The following CEP104 variants were observed in gnomAD, a reference collection of about 807,000 sequenced individuals.
CEP104 encodes the protein centrosomal protein 104.
CEP104 carries 84 observed loss-of-function variants against 113.3 expected under a neutral mutation model. The observed-to-expected ratio is 0.74, with a 90% CI of 0.62 to 0.89. The LOEUF is 0.89. Among genes scored for constraint, CEP104 ranks in the 40% least tolerant of loss-of-function variants. CEP104 has a pLI of 0.00. For missense variants in CEP104, 1,053 were observed against 1,156.6 expected (o/e 0.91, Z 1.30); for synonymous variants, 378 against 421.7 (o/e 0.90, Z 1.27).
At position 3,833,863 on chromosome 1, in the gene CEP104, T is replaced by C. The variant is rs1244824591; in HGVS notation, c.1658A>G (p.Gln553Arg). ...CAAATGCCGTGGTGAAGTTCAGACC[T>C]GAATAAAATTTGCAGCTGTGACGCG... is the stretch of plus-strand genomic sequence containing the variant. ...RLRVTAANFI[Q>R]EMALFKEVKS... is the part of the protein sequence containing the mutation. Residue 553 changes from glutamine to arginine, a missense_variant and splice_region_variant, in exon 12 of 22, where the codon CAG becomes CGG. Transcript: ENST00000378230. 6.2e-7 allele frequency: 1 copy of C among 1,614,202 alleles called. No homozygotes were observed. Among genetic ancestry groups the C allele is most frequent in the Non-Finnish European group, 8.5e-7 (1 of 1,180,002 alleles).
intron 11 of CEP104, among the ~76,000 whole-genome samples, 172 bp from the exon 12 acceptor site, chr1:3,834,207 A>G (rs1218944468): frequency 6.6e-6 from 1 of 152,262 alleles, no homozygotes; most frequent in African/African-American, 2.4e-5. Flanking sequence ...CACCTTGCAT[A>G]TAGAGGACAT....
chr1:3,835,161 TTTG>T, intron 10 of CEP104, 69 bp from the exon 11 acceptor site: 1 of 1,216,026 alleles, frequency 8.2e-7, no homozygotes, highest in Non-Finnish European at 1.1e-6. Flanking sequence ...ACTTGAAGGC[TTTG>T]TTTTTTTTTT....
At chr1:3,855,921 C>T (rs1208663852) in intron 1 of CEP104, 2 of 985,300 alleles carry the variant, frequency 2.0e-6, no homozygotes, top group Non-Finnish European at 2.4e-6. Flanking sequence ...CATCGACATC[C>T]CGACAAATGC....
intron 10 of CEP104, 107 bp downstream of exon 10, chr1:3,836,388 C>T: frequency 8.9e-7 from 1 of 1,122,672 alleles, no homozygotes; most frequent in Non-Finnish European, 1.2e-6. Flanking sequence ...AAATGCAAAG[C>T]CGTGGGCGTT....
At position 3,816,384 on chromosome 1, in the gene CEP104, G is replaced by A; in HGVS notation, c.2572-14C>T. ...AGCTTTCCATGCCTGCAGCAGAGGAGGCACACAGAGTGTTAATCAGGCGAG... is the reference window on the plus strand; with the variant it reads ...AGCTTTCCATGCCTGCAGCAGAGGAAGCACACAGAGTGTTAATCAGGCGAG... On this transcript the variant is annotated splice_polypyrimidine_tract_variant and intron_variant, in intron 20 of 21. Coordinates refer to ENST00000378230, the MANE Select transcript of CEP104 (RefSeq NM_014704.4). 6.5e-7 allele frequency: 1 copy of A among 1,546,732 alleles called. No homozygotes were observed. The highest frequency in any genetic ancestry group is 2.0e-5 in the Admixed American group (1 of 50,688).
rs1217497401 is a variant in CEP104 at position 3,823,444 on chromosome 1, ATG to A, written c.2481_2482del (p.Ile828LysfsTer22). 1 of 1,614,088 alleles carries A rather than the reference ATG, an allele frequency of 6.2e-7. No individual in the cohort carries two copies. Among genetic ancestry groups the A allele is most frequent in the Non-Finnish European group, 8.5e-7 (1 of 1,180,042 alleles). ...CTCACGGTTGCAATCCTTGTGTTTT[ATG>A]TGTCTGGGCAGCTCTTCCTTGAAAA... On this transcript the variant is annotated frameshift_variant, in exon 19 of 22. Transcript: ENST00000378230. LOFTEE classifies it high-confidence loss of function. The surrounding 1 kb of genome is among the most constrained non-coding windows in gnomAD (Gnocchi z 4.1).
At chr1:3,831,265 C>T (rs1373991482) in intron 12 of CEP104, 43 bp from the exon 13 acceptor site, 2 of 1,570,344 alleles carry the variant, frequency 1.3e-6, no homozygotes, top group African/African-American at 1.4e-5. Flanking sequence ...CTGGAAAATG[C>T]TGGAGGCAGT....
intron 15 of CEP104, 122 bp from the exon 16 acceptor site, chr1:3,826,866 G>T: frequency 1.0e-6 from 1 of 973,484 alleles, no homozygotes; most frequent in Non-Finnish European, 1.5e-6. Context: ...AATTTCTACT[G>T]GCTGGCAAGG....
intron 18 of CEP104, among the ~76,000 whole-genome samples, chr1:3,824,685 T>G (rs1320006279): frequency 1.3e-5 from 2 of 152,090 alleles, no homozygotes; most frequent in East Asian, 3.9e-4. Flanking sequence ...ACCAGGTGCT[T>G]TGCAGGACAG....
chr1:3,815,487 G>T lies in CEP104; in HGVS notation c.2693C>A (p.Pro898His). The T allele has an allele frequency of 6.2e-7, 1 of 1,610,850 alleles. No individual in the cohort carries two copies. Among genetic ancestry groups the T allele is most frequent in the South Asian group, 1.1e-5 (1 of 90,564 alleles). The change falls in exon 22 of 22, where the codon CCC becomes CAC. Residue 898 changes from proline to histidine, a missense_variant. By Grantham distance (77) the Pro-to-His change is moderately conservative. Coordinates refer to ENST00000378230, the MANE Select transcript of CEP104 (RefSeq NM_014704.4). ...GKSSAVAASGPLGSKAGSKIP... is the reference protein window; with the variant it reads ...GKSSAVAASGHLGSKAGSKIP... ...CTTGCTTCCGGCCTTTGACCCCAAG[G>T]GGCCTGATGCGGCCACAGCTGAGCT...
chr1:3,834,888 A>G, intron 11 of CEP104, 37 bp downstream of exon 11: 1 of 1,548,702 alleles, frequency 6.5e-7, no homozygotes, highest in Non-Finnish European at 8.7e-7. Flanking sequence ...GATCTCATCC[A>G]TGCACGCTGG....
chr1:3,856,802 C>T (rs960778973), intron 1 of CEP104, 87 bp downstream of exon 1: 2 of 146,152 alleles, frequency 1.4e-5, no homozygotes, highest in Non-Finnish European at 3.0e-5. Context: ...AGGTGGGGAC[C>T]GCGCCCCCGC....
chr1:3,836,421 C>T (rs957223006), intron 10 of CEP104, 74 bp downstream of exon 10: 16 of 1,474,102 alleles, frequency 1.1e-5, no homozygotes, highest in Non-Finnish European at 1.5e-5. Flanking sequence ...TGTGTAAGTA[C>T]ACAGAGGTGT....
chr1:3,838,551 A>G (rs1042567657), intron 8 of CEP104, among the ~76,000 whole-genome samples: 2 of 152,222 alleles, frequency 1.3e-5, no homozygotes, highest in African/African-American at 4.8e-5. Flanking sequence ...TTCTAAAATC[A>G]GAGGCAGAGC....
At chr1:3,829,176 A>G in intron 15 of CEP104, 90 bp downstream of exon 15, 1 of 907,696 alleles carries the variant, frequency 1.1e-6, no homozygotes, top group Admixed American at 2.8e-5. Context: ...GCATAATCCC[A>G]TGAAAAATAA....
At chr1:3,820,659 T>A (rs1643955260) in intron 20 of CEP104, among the ~76,000 whole-genome samples, 1 of 152,178 alleles carries the variant, frequency 6.6e-6, no homozygotes, top group African/African-American at 2.4e-5. Flanking sequence ...AAAATGAATG[T>A]ATTTACAGTT....
Position 3,839,207 on chromosome 1 carries a change from C to T in CEP104, c.736-88G>A, listed in dbSNP as rs943846118. Reference sequence around the variant, plus strand: ...TAATTTTTAAGAATCACGCGTGAACCGTCTTGCAAGGAGAGGGAGTGAGCA... The same window carrying T: ...TAATTTTTAAGAATCACGCGTGAACTGTCTTGCAAGGAGAGGGAGTGAGCA... On this transcript the variant is annotated intron_variant, in intron 7 of 21. Coordinates refer to ENST00000378230, the MANE Select transcript of CEP104 (RefSeq NM_014704.4). 52 of 1,202,888 alleles carry T rather than the reference C, an allele frequency of 4.3e-5. No homozygotes were observed. In the Admixed American group the frequency reaches 4.7e-4, roughly 11 times the overall value. 74.5% of individuals were successfully genotyped at this position (1,202,888 alleles called of 1,614,324 possible). A position where few individuals can be genotyped will look rare whatever the true frequency, so the allele number is the denominator to read the frequency against.
intron 6 of CEP104, among the ~76,000 whole-genome samples, chr1:3,844,647 G>A (rs1267409984): frequency 7.7e-6 from 1 of 129,180 alleles, no homozygotes; most frequent in Non-Finnish European, 1.6e-5. Flanking sequence ...ATAGTGAGCC[G>A]AGATTGTGCC....
chr1:3,827,268 G>T (rs1644110058), intron 15 of CEP104, among the ~76,000 whole-genome samples: 3 of 152,196 alleles, frequency 2.0e-5, no homozygotes, highest in Non-Finnish European at 4.4e-5. Context: ...GCCTAGGTTG[G>T]AAGTGGTACA....
Sources: allele counts gnomAD v4.1 joint callset (sites outside exome capture counted in the v4.1 genomes callset), GRCh38; gene constraint gnomAD v4.1.1; non-coding constraint Gnocchi (gnomAD v3.1); transcripts MANE v1.5; gene names NCBI Gene and HGNC (gene_info 2026-07-23, HGNC 2026-07-21).